Variants in SRGAP1 observed in about 807,000 individuals in gnomAD.
SRGAP1 encodes the protein SLIT-ROBO Rho GTPase-activating protein 1.
Under a neutral mutation model 121.9 loss-of-function variants are expected in SRGAP1, and 43 were observed. The ratio of observed to expected loss-of-function variants is 0.35; its 90% confidence interval spans 0.28 to 0.46. The LOEUF (loss-of-function observed/expected upper bound fraction) is 0.46, where lower values mean the gene tolerates loss of function less well. Ranked by LOEUF, SRGAP1 falls within the 20% of genes least tolerant of loss-of-function variation. SRGAP1 has a pLI of 1.00. For synonymous variants in SRGAP1, 447 were observed against 485.4 expected, an observed-to-expected ratio of 0.92 and a Z score of 1.04; for missense variants, 1,102 against 1,350.9, an observed-to-expected ratio of 0.82 and a Z score of 2.89.
rs1381501814 is a variant in SRGAP1, at chr12:64,147,606, C to G, written c.*4934C>G. On this transcript the variant is annotated 3_prime_UTR_variant, in exon 22 of 22. Coordinates refer to ENST00000355086, the MANE Select transcript of SRGAP1 (RefSeq NM_020762.4). Reference sequence around the variant, plus strand: ...GTGCTGCTGACAGCATCGCATTCGCCCGTGCTCTGTACTGCCTCTCACCAT... The same window carrying G: ...GTGCTGCTGACAGCATCGCATTCGCGCGTGCTCTGTACTGCCTCTCACCAT... 9 of 398,656 alleles carry G rather than the reference C, an allele frequency of 2.3e-5. No individual in the cohort carries two copies. Among genetic ancestry groups the G allele is most frequent in the Non-Finnish European group, 4.0e-5 (9 of 226,148 alleles). 24.7% of individuals were successfully genotyped at this position (398,656 alleles called of 1,614,324 possible). A position where few individuals can be genotyped will look rare whatever the true frequency, so the allele number is the denominator to read the frequency against.
intron 10 of SRGAP1, chr12:64,081,650 A>ATAT (rs562144549): frequency 1.3e-5 from 2 of 152,058 alleles, no homozygotes; most frequent in Non-Finnish European, 2.9e-5. Context: ...ATATTAAATA[A>ATAT]TATTATTGAA....
chr12:63,893,455 G>C (rs1194019533), intron 1 of SRGAP1, among the ~76,000 whole-genome samples: 3 of 152,152 alleles, frequency 2.0e-5, no homozygotes, highest in Non-Finnish European at 4.4e-5. Flanking sequence ...TCAGGGAAAA[G>C]AATAAAGTAA....
chr12:63,971,710 C>A (rs959724291), intron 1 of SRGAP1, among the ~76,000 whole-genome samples: 16 of 151,944 alleles, frequency 1.1e-4, no homozygotes, highest in African/African-American at 3.4e-4. Context: ...TCAGTACTTG[C>A]TAAGGCCTGA....
At chr12:63,885,813 GT>G (rs1900361515) in intron 1 of SRGAP1, among the ~76,000 whole-genome samples, 3 of 152,326 alleles carry the variant, frequency 2.0e-5, no homozygotes, top group Middle Eastern at 3.4e-3. Context: ...GCTATTGGAA[GT>G]TATGAGCCAG....
intron 10 of SRGAP1, among the ~76,000 whole-genome samples, chr12:64,083,758 T>C: frequency 6.6e-6 from 1 of 152,226 alleles, no homozygotes; most frequent in East Asian, 1.9e-4. Context: ...GGCTTCTTTG[T>C]GTGCAGCATT....
At chr12:64,054,710 TTTTTG>T (rs200025164) in intron 6 of SRGAP1, among the ~76,000 whole-genome samples, 1,827 of 152,268 alleles carry the variant, frequency 0.012, 30 homozygotes, top group African/African-American at 0.039. Flanking sequence ...TAGTTGGCTT[TTTTTG>T]TTTTGTTTTG....
At chr12:63,966,135 A>C (rs542712299) in intron 1 of SRGAP1, among the ~76,000 whole-genome samples, 4 of 152,198 alleles carry the variant, frequency 2.6e-5, no homozygotes, top group African/African-American at 9.6e-5. Flanking sequence ...TGCATTTTTC[A>C]TAGGCATAAT....
chr12:64,095,217 C>T lies in SRGAP1; in HGVS notation c.1678+13C>T, dbSNP rs764425061. Reference sequence around the variant, plus strand: ...TCATTTGAGAGAGGTAATTGCACGTCTATCCCTATAAGCAAACCACGTTGA... The same window carrying T: ...TCATTTGAGAGAGGTAATTGCACGTTTATCCCTATAAGCAAACCACGTTGA... On this transcript the variant is annotated intron_variant, in intron 14 of 21. Transcript: ENST00000355086. 3.1e-6 allele frequency: 5 copies of T among 1,611,896 alleles called. No individual in the cohort carries two copies. In the South Asian group the frequency reaches 5.5e-5, roughly 18 times the overall value.
At chr12:63,874,053 A>G (rs957389423) in intron 1 of SRGAP1, among the ~76,000 whole-genome samples, 6 of 151,474 alleles carry the variant, frequency 4.0e-5, no homozygotes, top group African/African-American at 1.5e-4. Flanking sequence ...TGAGAGAGAG[A>G]GGAAAGAAAG....
intron 2 of SRGAP1, among the ~76,000 whole-genome samples, chr12:63,986,668 C>T (rs1165529802): frequency 2.0e-5 from 3 of 152,226 alleles, no homozygotes; most frequent in Non-Finnish European, 4.4e-5. Context: ...AGTGATCCGC[C>T]TGCCTCAGCC....
intron 18 of SRGAP1, among the ~76,000 whole-genome samples, chr12:64,117,572 C>T (rs138318398): frequency 1.4e-3 from 218 of 152,200 alleles, no homozygotes; most frequent in African/African-American, 5.0e-3. Context: ...TTTAAGAAAT[C>T]CTTCTGTGTC....
chr12:64,094,363 T>C (rs973947024), intron 12 of SRGAP1, among the ~76,000 whole-genome samples: 3 of 152,172 alleles, frequency 2.0e-5, no homozygotes, highest in East Asian at 3.8e-4. Context: ...AGTTGTGCCA[T>C]TTTTTTCTTA....
At chr12:63,858,022 A>C (rs1482058880) in intron 1 of SRGAP1, among the ~76,000 whole-genome samples, 2 of 152,172 alleles carry the variant, frequency 1.3e-5, no homozygotes, top group Non-Finnish European at 2.9e-5. Context: ...TTGAAGTTTT[A>C]ATCATTAATA....
chr12:64,095,535 A>T (rs1195660473), intron 14 of SRGAP1, among the ~76,000 whole-genome samples: 3 of 152,082 alleles, frequency 2.0e-5, no homozygotes, highest in African/African-American at 7.2e-5. Context: ...TGAGGGAGGC[A>T]GCTCCTCCCT....
intron 1 of SRGAP1, among the ~76,000 whole-genome samples, chr12:63,938,629 G>T (rs1178228195): frequency 3.9e-5 from 6 of 152,150 alleles, no homozygotes; most frequent in Non-Finnish European, 5.9e-5. Context: ...CTGGAAGGTG[G>T]TATAGATTAT....
chr12:64,079,776 G>T (rs1336652774), intron 9 of SRGAP1, among the ~76,000 whole-genome samples: 1 of 151,978 alleles, frequency 6.6e-6, no homozygotes, highest in East Asian at 1.9e-4. Flanking sequence ...TATTTCCAGA[G>T]GTCTGGTACA....
At chr12:63,939,344 A>G (rs1322000061) in intron 1 of SRGAP1, among the ~76,000 whole-genome samples, 1 of 152,134 alleles carries the variant, frequency 6.6e-6, no homozygotes, top group East Asian at 1.9e-4. Flanking sequence ...CAGTGAGACT[A>G]TATGAACAAA....
At chr12:63,978,608 C>A (rs547329545) in intron 1 of SRGAP1, among the ~76,000 whole-genome samples, 1 of 152,158 alleles carries the variant, frequency 6.6e-6, no homozygotes, top group South Asian at 2.1e-4. Context: ...TTAGTTGATA[C>A]ACATTTGAGC....
chr12:63,922,204 C>A (rs1403587301), intron 1 of SRGAP1, among the ~76,000 whole-genome samples: 1 of 152,032 alleles, frequency 6.6e-6, no homozygotes, highest in Non-Finnish European at 1.5e-5. Context: ...GTCTTGTAAT[C>A]CTGACCTCAA....
Sources: allele counts gnomAD v4.1 joint callset (sites outside exome capture counted in the v4.1 genomes callset), GRCh38; gene constraint gnomAD v4.1.1; transcripts MANE v1.5; gene names NCBI Gene and HGNC (gene_info 2026-07-23, HGNC 2026-07-21).